The following EPHA10 variants were observed in gnomAD, a reference collection of about 807,000 sequenced individuals.
EPHA10 encodes the protein EPH receptor A10.
Under a neutral mutation model 109.7 loss-of-function variants are expected in EPHA10, and 120 were observed. That is an observed-to-expected ratio of 1.09 (90% CI 0.94 to 1.27). The LOEUF is 1.27. EPHA10 is among the 50% of genes most tolerant of loss of function. The pLI, the probability that EPHA10 is intolerant of heterozygous loss-of-function variation, is 0.00. For missense variants in EPHA10, 1,396 were observed against 1,411.1 expected (o/e 0.99, Z 0.17); for synonymous variants, 640 against 618.9 (o/e 1.03, Z -0.51).
At chr1:37,735,195 A>G (rs1042214495) in intron 6 of EPHA10, 62 bp downstream of exon 6, 25 of 1,548,248 alleles carry the variant, frequency 1.6e-5, no homozygotes, top group Non-Finnish European at 2.1e-5. Context: ...GGCCTGAAGA[A>G]CCAGAAGCCC....
rs771950709 is a variant in EPHA10 at position 37,720,375 on chromosome 1, T to G, written c.2388A>C (p.Arg796=). The G allele has an allele frequency of 7.4e-6, 12 of 1,611,222 alleles. No homozygotes were observed. The Admixed American group carries it at 1.7e-4, about 22-fold the overall frequency. Residue 796 remains arginine (R), a synonymous_variant, in exon 13 of 17, where the codon CGA becomes CGC. Coordinates refer to ENST00000373048, the MANE Select transcript of EPHA10 (RefSeq NM_001099439.2). The stretch of plus-strand genomic sequence containing the variant: ...CCATAGTGGTGTAGACAGCCTCTGA[T>G]CGGTCCCGGGGGCCCCGCCCGAAGC... ...ISGFGRGPRD[R]SEAVYTTMSG... is the part of the protein sequence containing the mutation.
chr1:37,720,486 C>A lies in EPHA10; in HGVS notation c.2277G>T (p.Lys759Asn). The change falls in exon 13 of 17, where the codon AAG becomes AAT. Residue 759 changes from lysine (K) to asparagine (N), a missense_variant. Coordinates refer to ENST00000373048, the MANE Select transcript of EPHA10 (RefSeq NM_001099439.2). ...GLLPGLASAM[K>N]YLSEMGYVHR... ...GAACGTAGCCCATCTCTGACAGATA[C>A]TTCATGGCTGATGCCAGCCCAGGCA... 2 of 1,613,516 alleles carry A rather than the reference C, an allele frequency of 1.2e-6. No individual in the cohort carries two copies. Among genetic ancestry groups the A allele is most frequent in the Non-Finnish European group, 1.7e-6 (2 of 1,180,006 alleles).
At chr1:37,733,246 G>A (rs1250343275) in intron 6 of EPHA10, among the ~76,000 whole-genome samples, 1 of 151,828 alleles carries the variant, frequency 6.6e-6, no homozygotes, top group Non-Finnish European at 1.5e-5. Context: ...TTTTGAGACA[G>A]GGTCTCGCTC....
At chr1:37,720,116 A>G (rs1051518232) in intron 13 of EPHA10, 58 bp from the exon 14 acceptor site, 1 of 1,596,338 alleles carries the variant, frequency 6.3e-7, no homozygotes. Flanking sequence ...AGGTTTCCCC[A>G]CCCCACTGAG....
chr1:37,719,877 A>G, intron 14 of EPHA10, 32 bp downstream of exon 14: 1 of 1,613,808 alleles, frequency 6.2e-7, no homozygotes, highest in Admixed American at 1.7e-5. Flanking sequence ...AGAGGGTCAG[A>G]AGGCATGCAG....
At chr1:37,745,987 G>C (rs577525850) in intron 5 of EPHA10, among the ~76,000 whole-genome samples, 2 of 152,248 alleles carry the variant, frequency 1.3e-5, no homozygotes, top group East Asian at 1.9e-4. Context: ...AATCCGGTAA[G>C]AGCTGTTTTC....
intron 3 of EPHA10, among the ~76,000 whole-genome samples, chr1:37,755,913 G>A (rs1423324181): frequency 6.6e-6 from 1 of 152,192 alleles, no homozygotes; most frequent in East Asian, 1.9e-4. Flanking sequence ...GCTCCAAGAA[G>A]ACGCAGTACA....
chr1:37,750,268 G>C (rs1203948321), intron 5 of EPHA10, among the ~76,000 whole-genome samples: 1 of 152,230 alleles, frequency 6.6e-6, no homozygotes, highest in African/African-American at 2.4e-5. Flanking sequence ...TGTCACCCCC[G>C]AACCTTTTCA....
intron 8 of EPHA10, among the ~76,000 whole-genome samples, chr1:37,725,136 AGGTGTGACT>A (rs776726370): frequency 1.2e-4 from 19 of 152,132 alleles, no homozygotes; most frequent in Non-Finnish European, 2.6e-4. Context: ...GCTAAAGAAC[AGGTGTGACT>A]GGTGTGGCCA....
chr1:37,718,648 G>C lies in EPHA10; in HGVS notation c.2912+13C>G. On this transcript the variant is annotated intron_variant, in intron 16 of 16. Transcript: ENST00000373048. ...CCCCAGCCCCGGCCTTGACCTTGGTGCCTTGGACTCACTGGGCAGTCATCT... is the reference window on the plus strand; with the variant it reads ...CCCCAGCCCCGGCCTTGACCTTGGTCCCTTGGACTCACTGGGCAGTCATCT... The C allele has an allele frequency of 6.2e-7, 1 of 1,613,166 alleles. No homozygotes were observed. Among genetic ancestry groups the C allele is most frequent in the Non-Finnish European group, 8.5e-7 (1 of 1,180,026 alleles).
intron 3 of EPHA10, among the ~76,000 whole-genome samples, chr1:37,759,690 G>A (rs1027681167): frequency 6.6e-6 from 1 of 151,914 alleles, no homozygotes; most frequent in Non-Finnish European, 1.5e-5. Context: ...GGCTGAGGCA[G>A]AAGGAATGCT....
rs938257029 is a variant in EPHA10 at position 37,718,121 on chromosome 1, A to C, written c.*251T>G. 2.1e-6 allele frequency: 1 copy of C among 483,586 alleles called. No homozygotes were observed. The highest frequency in any genetic ancestry group is 3.6e-6 in the Non-Finnish European group (1 of 275,290). The allele number at this position is 483,586 out of a possible 1,614,324, so 30.0% of individuals were successfully genotyped here. A position where few individuals can be genotyped will look rare whatever the true frequency, so the allele number is the denominator to read the frequency against. ...AGACCCCGAATTTCCTCCTGCTGTT[A>C]TCTCAGGGGTCCTCCCTAGGGATTT... On this transcript the variant is annotated 3_prime_UTR_variant, in exon 17 of 17. Coordinates refer to ENST00000373048, the MANE Select transcript of EPHA10 (RefSeq NM_001099439.2).
Position 37,761,618 on chromosome 1 carries a change from C to T in EPHA10, c.637G>A (p.Ala213Thr), listed in dbSNP as rs762339788. ...AACGTGGCCAGGCCCCGCACGGTGGCGCGGCACTGCTTGTAGTAGACGCGC... is the reference window on the plus strand; with the variant it reads ...AACGTGGCCAGGCCCCGCACGGTGGTGCGGCACTGCTTGTAGTAGACGCGC... Reference protein sequence around the residue: ...SVRVYYKQCRATVRGLATFPA... With the variant: ...SVRVYYKQCRTTVRGLATFPA... Residue 213 changes from alanine (A) to threonine (T), a missense_variant, in exon 3 of 17, where the codon GCC becomes ACC. Ala to Thr is a moderately conservative substitution (Grantham distance 58). Coordinates refer to ENST00000373048, the MANE Select transcript of EPHA10 (RefSeq NM_001099439.2). 6 of 1,603,640 alleles carry T rather than the reference C, an allele frequency of 3.7e-6. No homozygotes were observed. The East Asian group carries it at 8.9e-5, about 24-fold the overall frequency.
Position 37,752,938 on chromosome 1 carries a change from G to A in EPHA10, c.1295C>T (p.Ser432Leu). 5.4e-6 allele frequency: 7 copies of A among 1,307,402 alleles called. No individual in the cohort carries two copies. The highest frequency in any genetic ancestry group is 6.8e-6 in the Non-Finnish European group (7 of 1,030,896). The allele number at this position is 1,307,402 out of a possible 1,614,324, so 81.0% of individuals were successfully genotyped here. ...GGTTCCCGCGGCGGCCGCCGGGCCC[G>A]AGACGCCGTTGAGCGCGGCCACGCG... ...TVRVAALNGV[S>L]GPAAAAGTTY... is the part of the protein sequence containing the mutation. The change falls in exon 5 of 17, where the codon TCG becomes TTG. Residue 432 changes from serine (S) to leucine (L), a missense_variant. By Grantham distance (145) the Ser-to-Leu change is moderately radical. Coordinates refer to ENST00000373048, the MANE Select transcript of EPHA10 (RefSeq NM_001099439.2).
intron 7 of EPHA10, among the ~76,000 whole-genome samples, chr1:37,729,602 G>A (rs553134305): frequency 1.3e-5 from 2 of 152,176 alleles, no homozygotes; most frequent in South Asian, 2.1e-4. Context: ...TTTGGAAGGC[G>A]GGGGGCAGTG....
At chr1:37,733,691 G>A (rs1397706928) in intron 6 of EPHA10, among the ~76,000 whole-genome samples, 2 of 151,950 alleles carry the variant, frequency 1.3e-5, no homozygotes, top group East Asian at 3.9e-4. Context: ...CATTCCTCAG[G>A]GCTCTGTCCT....
At chr1:37,757,489 T>C (rs1642348899) in intron 3 of EPHA10, among the ~76,000 whole-genome samples, 1 of 152,152 alleles carries the variant, frequency 6.6e-6, no homozygotes, top group African/African-American at 2.4e-5. Context: ...TAATTCCTTA[T>C]ATCCTTTTTC....
At chr1:37,748,115 T>C (rs775641280) in intron 5 of EPHA10, among the ~76,000 whole-genome samples, 8 of 152,304 alleles carry the variant, frequency 5.3e-5, no homozygotes, top group Admixed American at 2.0e-4. Flanking sequence ...TCCCAGCACT[T>C]TGGGAAGCCA....
At chr1:37,752,601 C>T (rs912200730) in intron 5 of EPHA10, among the ~76,000 whole-genome samples, 3 of 152,108 alleles carry the variant, frequency 2.0e-5, no homozygotes, top group African/African-American at 7.2e-5. Context: ...ACAGGTGCTT[C>T]CCGCAGACGC....
Sources: allele counts gnomAD v4.1 joint callset (sites outside exome capture counted in the v4.1 genomes callset), GRCh38; gene constraint gnomAD v4.1.1; transcripts MANE v1.5; gene names NCBI Gene and HGNC (gene_info 2026-07-23, HGNC 2026-07-21).